Variants in MACROD2 observed in about 807,000 individuals in gnomAD.
MACROD2 encodes mono-ADP ribosylhydrolase 2, also known as ADP-ribose glycohydrolase MACROD2.
A neutral mutation model predicts 70.4 loss-of-function variants in MACROD2; 36 were observed. The ratio of observed to expected loss-of-function variants is 0.51; its 90% confidence interval spans 0.39 to 0.68. The LOEUF is 0.68. Ranked by LOEUF, MACROD2 falls within the 30% of genes least tolerant of loss-of-function variation. The pLI is 0.00. For missense variants in MACROD2, 496 were observed against 538.4 expected (o/e 0.92, Z 0.78); for synonymous variants, 172 against 178.8 (o/e 0.96, Z 0.30).
intron 5 of MACROD2, among the ~76,000 whole-genome samples, chr20:14,756,404 T>C (rs926135633): frequency 3.3e-5 from 5 of 152,126 alleles, no homozygotes; most frequent in African/African-American, 1.2e-4. Flanking sequence ...TTTGACATAA[T>C]TTATGATTTG....
intron 8 of MACROD2, among the ~76,000 whole-genome samples, chr20:15,546,029 T>A (rs1280152460): frequency 6.6e-6 from 1 of 152,158 alleles, no homozygotes. Context: ...ACAAGGTGGA[T>A]CACCTGAGGT....
At chr20:15,808,095 G>A (rs151199416) in intron 8 of MACROD2, among the ~76,000 whole-genome samples, 4 of 151,980 alleles carry the variant, frequency 2.6e-5, no homozygotes, top group Non-Finnish European at 5.9e-5. Context: ...CCTGTCACGC[G>A]GACCCCCTTA....
intron 3 of MACROD2, among the ~76,000 whole-genome samples, chr20:14,488,087 A>G (rs1366594694): frequency 1.3e-5 from 2 of 152,232 alleles, no homozygotes; most frequent in Non-Finnish European, 2.9e-5. Context: ...TAATCAGGCT[A>G]AAAGCGTATC....
At chr20:14,998,538 A>G (rs1333738779) in intron 5 of MACROD2, among the ~76,000 whole-genome samples, 1 of 152,228 alleles carries the variant, frequency 6.6e-6, no homozygotes, top group Non-Finnish European at 1.5e-5. Context: ...AGAAAGAATT[A>G]GTGAACTTGA....
chr20:15,937,381 T>G, intron 11 of MACROD2, 95 bp from the exon 12 acceptor site: 1 of 1,070,146 alleles, frequency 9.3e-7, no homozygotes, highest in Non-Finnish European at 1.4e-6. Context: ...CATGCTTTCT[T>G]TGGTGGAGAG....
chr20:14,955,012 T>C (rs1289061575), intron 5 of MACROD2, among the ~76,000 whole-genome samples: 2 of 98,816 alleles, frequency 2.0e-5, no homozygotes, highest in Non-Finnish European at 3.7e-5. Flanking sequence ...TTTATATTTA[T>C]ATTATATATT....
At chr20:14,014,786 TTTTC>T (rs1181860920) in intron 2 of MACROD2, among the ~76,000 whole-genome samples, 8 of 152,068 alleles carry the variant, frequency 5.3e-5, no homozygotes, top group East Asian at 1.9e-4. Flanking sequence ...CTTTACTTGC[TTTTC>T]TTTCTGTTTT....
intron 5 of MACROD2, among the ~76,000 whole-genome samples, chr20:14,924,256 TGGCC>T (rs1410479311): frequency 0.017 from 2,605 of 152,120 alleles, 67 homozygotes; most frequent in African/African-American, 0.058. Context: ...AGGCCAAGCC[TGGCC>T]AAACATTGTC....
intron 4 of MACROD2, among the ~76,000 whole-genome samples, chr20:14,502,279 G>A (rs1200556017): frequency 6.6e-6 from 1 of 151,864 alleles, no homozygotes. Context: ...TTTGTTTTTG[G>A]CACTGTTAAG....
intron 8 of MACROD2, among the ~76,000 whole-genome samples, chr20:15,668,889 T>G (rs2049938918): frequency 6.6e-6 from 1 of 152,192 alleles, no homozygotes; most frequent in Admixed American, 6.5e-5. Flanking sequence ...ATAGATTAAC[T>G]AGTAGGCTCC....
intron 8 of MACROD2, among the ~76,000 whole-genome samples, chr20:15,625,862 A>G (rs2049194066): frequency 6.9e-6 from 1 of 144,266 alleles, no homozygotes; most frequent in Non-Finnish European, 1.5e-5. Context: ...TGAGCATGGC[A>G]GATGATAGCT....
At chr20:15,691,460 C>G (rs2050298293) in intron 8 of MACROD2, among the ~76,000 whole-genome samples, 1 of 152,136 alleles carries the variant, frequency 6.6e-6, no homozygotes. Flanking sequence ...AAAGCGCTGC[C>G]CTTCTGGGAC....
At chr20:15,883,483 T>A (rs1362649618) in intron 9 of MACROD2, among the ~76,000 whole-genome samples, 1 of 152,124 alleles carries the variant, frequency 6.6e-6, no homozygotes, top group African/African-American at 2.4e-5. Context: ...CTAAAATATT[T>A]CCATGGTAAA....
At chr20:15,290,862 T>C (rs1322039395) in intron 6 of MACROD2, among the ~76,000 whole-genome samples, 1 of 152,196 alleles carries the variant, frequency 6.6e-6, no homozygotes, top group East Asian at 1.9e-4. Context: ...TTCATTTCAA[T>C]TCCTAGGTGC....
chr20:14,883,840 A>G (rs1413794244), intron 5 of MACROD2, among the ~76,000 whole-genome samples: 1 of 152,170 alleles, frequency 6.6e-6, no homozygotes, highest in Admixed American at 6.5e-5. Context: ...TAGAGTACCT[A>G]TTAAAGGGTT....
chr20:15,004,928 C>G (rs1318648170), intron 5 of MACROD2, among the ~76,000 whole-genome samples: 2 of 152,116 alleles, frequency 1.3e-5, no homozygotes, highest in African/African-American at 4.8e-5. Flanking sequence ...ATATTCCCTT[C>G]AGGCAGTTTC....
At chr20:14,158,646 C>T (rs1029340130) in intron 3 of MACROD2, among the ~76,000 whole-genome samples, 1 of 152,146 alleles carries the variant, frequency 6.6e-6, no homozygotes, top group Non-Finnish European at 1.5e-5. Flanking sequence ...GTTTTCCCAG[C>T]ACCATTTATT....
intron 13 of MACROD2, among the ~76,000 whole-genome samples, chr20:15,972,668 G>C (rs2066248629): frequency 6.6e-6 from 1 of 152,048 alleles, no homozygotes; most frequent in African/African-American, 2.4e-5. Flanking sequence ...AAATTAGCAA[G>C]GCACGGTGGT....
At chr20:16,049,387 G>A (rs2067427343) in intron 17 of MACROD2, among the ~76,000 whole-genome samples, 1 of 152,114 alleles carries the variant, frequency 6.6e-6, no homozygotes, top group Non-Finnish European at 1.5e-5. Flanking sequence ...GAATAAGGCA[G>A]ATAATTTAAT....
Sources: allele counts gnomAD v4.1 joint callset (sites outside exome capture counted in the v4.1 genomes callset), GRCh38; gene constraint gnomAD v4.1.1; transcripts MANE v1.5; gene names NCBI Gene and HGNC (gene_info 2026-07-23, HGNC 2026-07-21).